Variants in SCAI observed in about 807,000 individuals in gnomAD.
SCAI encodes the protein protein SCAI.
A neutral mutation model predicts 92.2 loss-of-function variants in SCAI; 24 were observed. The observed-to-expected ratio is 0.26, with a 90% confidence interval of 0.19 to 0.37. The LOEUF is 0.37. Among genes scored for constraint, SCAI ranks in the 10% least tolerant of loss-of-function variants. SCAI has a pLI of 1.00. For missense variants in SCAI, 450 were observed against 736.2 expected, an observed-to-expected ratio of 0.61 and a Z score of 4.50; for synonymous variants, 261 against 258.6, an observed-to-expected ratio of 1.01 and a Z score of -0.09.
intron 9 of SCAI, among the ~76,000 whole-genome samples, chr9:125,006,753 G>A (rs944401105): frequency 3.3e-5 from 5 of 152,096 alleles, no homozygotes; most frequent in African/African-American, 1.2e-4. Flanking sequence ...GCCTCCCACA[G>A]TGTGGGGATT....
chr9:124,954,566 G>A (rs1051908969), intron 17 of SCAI, among the ~76,000 whole-genome samples: 1 of 152,184 alleles, frequency 6.6e-6, no homozygotes, highest in Non-Finnish European at 1.5e-5. Flanking sequence ...CAGCTAGTGA[G>A]AGGCACCTTG....
At position 124,952,933 on chromosome 9, in the gene SCAI, T is replaced by A. The variant is rs1315136079; in HGVS notation, c.1695A>T (p.Glu565Asp). The A allele has an allele frequency of 6.2e-7, 1 of 1,612,962 alleles. No individual in the cohort carries two copies. Among genetic ancestry groups the A allele is most frequent in the East Asian group, 2.2e-5 (1 of 44,856 alleles). The change falls in exon 18 of 18, where the codon GAA (glutamate) becomes GAT (aspartate). Residue 565 changes from glutamate to aspartate, a missense_variant. Coordinates refer to ENST00000336505, the MANE Select transcript of SCAI (RefSeq NM_001144877.3). ...CATCCCTTGGCAGTTGTGGATATGA[T>A]TCTGGATAATTTCGTGTTTCCTGGT... is the stretch of plus-strand genomic sequence containing the variant. Reference protein sequence around the residue: ...KIFRETRNYPESYPQLPRDET... With the variant: ...KIFRETRNYPDSYPQLPRDET...
intron 6 of SCAI, among the ~76,000 whole-genome samples, chr9:125,022,647 G>A (rs1395181474): frequency 6.6e-6 from 1 of 152,000 alleles, no homozygotes; most frequent in Non-Finnish European, 1.5e-5. Context: ...TGAACTCCTG[G>A]CCGCAAGCAA....
intron 14 of SCAI, among the ~76,000 whole-genome samples, chr9:124,987,010 A>G (rs1832006621): frequency 6.6e-6 from 1 of 152,208 alleles, no homozygotes; most frequent in East Asian, 1.9e-4. Context: ...GGGAAAAAAG[A>G]AAAAGAAGTA....
rs912884527 is a variant in SCAI at position 125,019,879 on chromosome 9, G to C, written c.610-674C>G. On this transcript the variant is annotated intron_variant, in intron 7 of 17. Transcript: ENST00000336505. Reference sequence around the variant, plus strand: ...GCTTGAACTCATGAGTTTCAGACCAGCCTGGGCAACATGGTGAAACCCTGT... The same window carrying C: ...GCTTGAACTCATGAGTTTCAGACCACCCTGGGCAACATGGTGAAACCCTGT... 6.6e-5 allele frequency among the ~76,000 whole-genome samples: 10 copies of C among 152,004 alleles called. No individual in the cohort carries two copies. In the East Asian group the frequency reaches 9.7e-4, roughly 15 times the overall value.
intron 3 of SCAI, among the ~76,000 whole-genome samples, chr9:125,035,282 G>A (rs1206282053): frequency 1.3e-5 from 2 of 151,960 alleles, no homozygotes; most frequent in Non-Finnish European, 2.9e-5. Context: ...TAGAGTCCAG[G>A]AGGTCGGGAC....
intron 17 of SCAI, among the ~76,000 whole-genome samples, chr9:124,958,118 T>C (rs10986490): frequency 0.54 from 81,530 of 152,088 alleles, 22,622 homozygotes; most frequent in Non-Finnish European, 0.58. Context: ...TGAGGATATA[T>C]ACCATTATTA....
intron 14 of SCAI, among the ~76,000 whole-genome samples, chr9:124,982,931 T>G (rs1031543074): frequency 6.6e-6 from 1 of 152,020 alleles, no homozygotes; most frequent in East Asian, 1.9e-4. Context: ...GGTGGGAGAA[T>G]CGCTTACAGC....
chr9:125,141,131 T>C (rs1835656723), intron 2 of SCAI, among the ~76,000 whole-genome samples: 1 of 152,180 alleles, frequency 6.6e-6, no homozygotes, highest in Non-Finnish European at 1.5e-5. Flanking sequence ...GCTGATCAAG[T>C]AGCAGTTTCT....
In SCAI at chr9:124,944,466, A is replaced by ATTTTTTTTTTTTTTTTTT. The variant is rs71374207; in HGVS notation, c.*8323_*8340dup. On this transcript the variant is annotated 3_prime_UTR_variant, in exon 18 of 18. Coordinates refer to ENST00000336505, the MANE Select transcript of SCAI (RefSeq NM_001144877.3). ...AGGCGCACACCACCATGCCTGGCTA[A>ATTTTTTTTTTTTTTTTTT]TTTTTTTTTTTTTTTTTTTTTTTTT... 1.2e-4 allele frequency: 10 copies of ATTTTTTTTTTTTTTTTTT among 84,726 alleles called. No homozygotes were observed. Among genetic ancestry groups the ATTTTTTTTTTTTTTTTTT allele is most frequent in the South Asian group, 4.7e-4 (1 of 2,146 alleles). 5.2% of individuals were successfully genotyped at this position (84,726 alleles called of 1,614,324 possible). A position where few individuals can be genotyped will look rare whatever the true frequency, so the allele number is the denominator to read the frequency against.
At chr9:124,973,333 T>C (rs1292612936) in intron 15 of SCAI, among the ~76,000 whole-genome samples, 1 of 152,202 alleles carries the variant, frequency 6.6e-6, no homozygotes, top group African/African-American at 2.4e-5. Context: ...TTAACAAATC[T>C]TAGAAATTCT....
intron 2 of SCAI, among the ~76,000 whole-genome samples, chr9:125,139,249 C>CA (rs1835611759): frequency 6.6e-6 from 1 of 152,054 alleles, no homozygotes; most frequent in Non-Finnish European, 1.5e-5. Flanking sequence ...CCCACCTCTA[C>CA]AAAAAATGCA....
intron 2 of SCAI, among the ~76,000 whole-genome samples, chr9:125,120,975 T>TA (rs967654748): frequency 6.6e-6 from 1 of 151,934 alleles, no homozygotes; most frequent in Non-Finnish European, 1.5e-5. Flanking sequence ...AATCTGCCAC[T>TA]AAAAATTAAA....
At chr9:125,140,148 C>T (rs1835632589) in intron 2 of SCAI, among the ~76,000 whole-genome samples, 1 of 151,970 alleles carries the variant, frequency 6.6e-6, no homozygotes, top group Admixed American at 6.6e-5. Context: ...CAGGTCGAGG[C>T]TGCAGTGAGC....
At position 124,951,078 on chromosome 9, in the gene SCAI, A is replaced by T. The variant is rs1319562798; in HGVS notation, c.*1729T>A. On this transcript the variant is annotated 3_prime_UTR_variant, in exon 18 of 18. Transcript: ENST00000336505. ...GTCTCTTAAAAAAAAAAAAAAAAAA[A>T]AGTAAAATACTCCCCAAGTCCCCAA... The T allele has an allele frequency of 7.3e-6, 1 of 137,098 alleles. No individual in the cohort carries two copies. The highest frequency in any genetic ancestry group is 2.7e-5 in the African/African-American group (1 of 36,720). 8.5% of individuals were successfully genotyped at this position (137,098 alleles called of 1,614,324 possible).
At chr9:124,955,081 T>C (rs554433520) in intron 17 of SCAI, among the ~76,000 whole-genome samples, 81 of 151,642 alleles carry the variant, frequency 5.3e-4, no homozygotes, top group Admixed American at 1.1e-3. Flanking sequence ...GGCAGGAGAA[T>C]TGCTTGAGCC....
chr9:125,028,531 T>C, intron 4 of SCAI, 53 bp from the exon 5 acceptor site: 1 of 919,608 alleles, frequency 1.1e-6, no homozygotes, highest in Non-Finnish European at 1.6e-6. Flanking sequence ...ATTCCAAAAC[T>C]AATCAAATCT....
At chr9:125,119,790 TAGA>T (rs907791013) in intron 2 of SCAI, among the ~76,000 whole-genome samples, 3 of 152,214 alleles carry the variant, frequency 2.0e-5, no homozygotes, top group African/African-American at 7.2e-5. Context: ...GATGGGGAAC[TAGA>T]AGATTAGGAT....
chr9:124,953,639 C>T (rs1358500650), intron 17 of SCAI, among the ~76,000 whole-genome samples: 2 of 151,986 alleles, frequency 1.3e-5, no homozygotes, highest in African/African-American at 4.8e-5. Flanking sequence ...TCTCGAACTC[C>T]TGAACTCAGG....
Sources: allele counts gnomAD v4.1 joint callset (sites outside exome capture counted in the v4.1 genomes callset), GRCh38; gene constraint gnomAD v4.1.1; transcripts MANE v1.5; gene names NCBI Gene and HGNC (gene_info 2026-07-23, HGNC 2026-07-21).